The following FMO4 variants were observed in gnomAD, a reference collection of about 807,000 sequenced individuals.
FMO4 encodes dimethylaniline monooxygenase [N-oxide-forming] 4.
In FMO4, 38 loss-of-function variants were observed where a neutral mutation model predicts 43.3. That is an observed-to-expected ratio of 0.88 (90% confidence interval 0.68 to 1.15). The LOEUF (loss-of-function observed/expected upper bound fraction) is 1.15, where lower values mean the gene tolerates loss of function less well. Among genes scored for constraint, FMO4 ranks in the 50% most tolerant of loss-of-function variants. The pLI, the probability that FMO4 is intolerant of heterozygous loss-of-function variation, is 0.00. For missense variants in FMO4, 631 were observed against 663.3 expected (o/e 0.95, Z 0.54); for synonymous variants, 224 against 232.2 (o/e 0.96, Z 0.32).
chr1:171,337,993 T>C (rs1424790423), intron 9 of FMO4, among the ~76,000 whole-genome samples: 1 of 152,060 alleles, frequency 6.6e-6, no homozygotes, highest in Non-Finnish European at 1.5e-5. Context: ...GCGTCTCAAA[T>C]TTAATATGTC....
At chr1:171,322,016 G>A (rs767745026) in intron 3 of FMO4, among the ~76,000 whole-genome samples, 1 of 152,136 alleles carries the variant, frequency 6.6e-6, no homozygotes, top group African/African-American at 2.4e-5. Context: ...CTTTAATATA[G>A]ACCTATTTGT....
rs1363048793 is a variant in FMO4 at position 171,331,816 on chromosome 1, A to G, written c.627+34A>G. On this transcript the variant is annotated intron_variant, in intron 6 of 9. Transcript: ENST00000367749. ...TCTCTGAATTAATGCCCCTAATCCC[A>G]TCATCAGTTATGATGGCTGGAAAGA... 3 of 1,599,656 alleles carry G rather than the reference A, an allele frequency of 1.9e-6. No individual in the cohort carries two copies. In the Admixed American group the frequency reaches 5.0e-5, roughly 27 times the overall value.
intron 5 of FMO4, among the ~76,000 whole-genome samples, chr1:171,325,648 A>T (rs1662624765): frequency 6.6e-6 from 1 of 151,956 alleles, no homozygotes; most frequent in African/African-American, 2.4e-5. Flanking sequence ...CTAAACACAC[A>T]ACTGTACAGT....
rs761110499 is a variant in FMO4 at position 171,314,242 on chromosome 1, C to T, written c.-322C>T. 2.0e-5 allele frequency: 3 copies of T among 151,938 alleles called. No individual in the cohort carries two copies. The highest frequency in any genetic ancestry group is 2.9e-5 in the Non-Finnish European group (2 of 67,992). The allele number at this position is 151,938 out of a possible 1,614,324, so 9.4% of individuals were successfully genotyped here. On this transcript the variant is annotated 5_prime_UTR_variant, in exon 1 of 10. In the 5' UTR this introduces an upstream ATG that the reference lacks. Transcript: ENST00000367749. ...GCTGTCACTAGCATAACAGAAAAGA[C>T]GAATGGCTTTTGTTTTAAACTGAGG...
chr1:171,340,768 T>C (rs539314713), intron 9 of FMO4, among the ~76,000 whole-genome samples: 2 of 152,320 alleles, frequency 1.3e-5, no homozygotes, highest in African/African-American at 4.8e-5. Flanking sequence ...GTTCTGAGCA[T>C]TCGCTGTACA....
chr1:171,320,901 C>T (rs1662396401), intron 3 of FMO4, among the ~76,000 whole-genome samples: 2 of 152,230 alleles, frequency 1.3e-5, no homozygotes, highest in South Asian at 2.1e-4. Context: ...AGAAGAGTGG[C>T]ATTCGTTCAA....
intron 1 of FMO4, among the ~76,000 whole-genome samples, chr1:171,315,972 C>T (rs921347221): frequency 5.3e-5 from 8 of 152,258 alleles, no homozygotes; most frequent in South Asian, 2.1e-4. Flanking sequence ...AGAGCAGTCA[C>T]GGTCTTTTTT....
chr1:171,316,842 GC>G (rs1373796208), intron 2 of FMO4, among the ~76,000 whole-genome samples: 4 of 152,172 alleles, frequency 2.6e-5, no homozygotes, highest in Non-Finnish European at 5.9e-5. Flanking sequence ...TCATGAATCT[GC>G]CTTAGGGTCA....
chr1:171,319,652 A>C (rs1422277217), intron 2 of FMO4, among the ~76,000 whole-genome samples, 166 bp from the exon 3 acceptor site: 1 of 152,190 alleles, frequency 6.6e-6, no homozygotes, highest in East Asian at 1.9e-4. Flanking sequence ...GACTTAAACC[A>C]AAACAATCTG....
At chr1:171,320,403 G>A (rs1662365262) in intron 3 of FMO4, among the ~76,000 whole-genome samples, 1 of 152,212 alleles carries the variant, frequency 6.6e-6, no homozygotes, top group African/African-American at 2.4e-5. Flanking sequence ...GAACTGGCAA[G>A]AGTGAGGCAT....
At chr1:171,315,919 C>T (rs1022223201) in intron 1 of FMO4, among the ~76,000 whole-genome samples, 3 of 152,136 alleles carry the variant, frequency 2.0e-5, no homozygotes, top group Non-Finnish European at 4.4e-5. Context: ...TACCATAGGA[C>T]TTAGCACAAG....
chr1:171,331,874 T>G, intron 6 of FMO4, 92 bp downstream of exon 6: 9 of 1,054,906 alleles, frequency 8.5e-6, no homozygotes, highest in Non-Finnish European at 1.1e-5. Context: ...ATTGGCCAAT[T>G]GCTAAATTAT....
Position 171,314,232 on chromosome 1 carries a change from A to G in FMO4, c.-332A>G, listed in dbSNP as rs1297391662. ...TATACTTTCTGCTGTCACTAGCATA[A>G]CAGAAAAGACGAATGGCTTTTGTTT... On this transcript the variant is annotated 5_prime_UTR_variant, in exon 1 of 10. Coordinates refer to ENST00000367749, the MANE Select transcript of FMO4 (RefSeq NM_002022.3). 1 of 152,194 alleles carries G rather than the reference A, an allele frequency of 6.6e-6. No homozygotes were observed. The highest frequency in any genetic ancestry group is 2.4e-5 in the African/African-American group (1 of 41,448). 9.4% of individuals were successfully genotyped at this position (152,194 alleles called of 1,614,324 possible).
At chr1:171,330,938 C>T (rs948392213) in intron 5 of FMO4, among the ~76,000 whole-genome samples, 2 of 152,098 alleles carry the variant, frequency 1.3e-5, no homozygotes, top group African/African-American at 4.8e-5. Context: ...AAGAATAAAA[C>T]ACAAATAAGC....
chr1:171,322,052 G>A (rs116742951), intron 3 of FMO4, among the ~76,000 whole-genome samples: 449 of 152,286 alleles, frequency 2.9e-3, no homozygotes, highest in African/African-American at 9.9e-3. Context: ...TTGAGTGATG[G>A]AGATTGAATC....
At position 171,332,789 on chromosome 1, in the gene FMO4, A is replaced by G. The variant is rs534437027; in HGVS notation, c.708A>G (p.Thr236=). The G allele has an allele frequency of 6.2e-7, 1 of 1,613,324 alleles. No homozygotes were observed. The highest frequency in any genetic ancestry group is 8.5e-7 in the Non-Finnish European group (1 of 1,179,382). ...GCTATCCTTATAATATGATGGTTAC[A>G]AGAAGATGCTGTAGTTTTATTGCAC... is the stretch of plus-strand genomic sequence containing the variant. ...DWGYPYNMMV[T]RRCCSFIAQV... Residue 236 remains threonine (T), a synonymous_variant, in exon 7 of 10, where the codon ACA becomes ACG. Coordinates refer to ENST00000367749, the MANE Select transcript of FMO4 (RefSeq NM_002022.3).
At chr1:171,314,535 T>C (rs532209505) in intron 1 of FMO4, 122 bp downstream of exon 1, 2 of 152,156 alleles carry the variant, frequency 1.3e-5, no homozygotes, top group Non-Finnish European at 2.9e-5. Context: ...TTTTGGGGTC[T>C]CTTGACTAGG....
At chr1:171,338,171 A>G (rs1279062295) in intron 9 of FMO4, among the ~76,000 whole-genome samples, 2 of 151,988 alleles carry the variant, frequency 1.3e-5, no homozygotes, top group East Asian at 1.9e-4. Flanking sequence ...CACATCCCAT[A>G]TCGGCAAATA....
At position 171,324,110 on chromosome 1, in the gene FMO4, G is replaced by C. The variant is rs752547745; in HGVS notation, c.322-28G>C. ...GCATGAGGTCCAAGGGTGTTAGTGA[G>C]AAGTGAGTGTTTGTCTTTCACTTTT... On this transcript the variant is annotated intron_variant, in intron 4 of 9. Transcript: ENST00000367749. The C allele has an allele frequency of 3.8e-6, 6 of 1,590,444 alleles. No individual in the cohort carries two copies. The Admixed American group carries it at 1.1e-4, about 28-fold the overall frequency.
Sources: gnomAD v4.1 joint callset for allele counts (sites outside exome capture counted in the v4.1 genomes callset) on GRCh38, gnomAD v4.1.1 for gene constraint, MANE v1.5 for transcripts, NCBI Gene and HGNC (gene_info 2026-07-23, HGNC 2026-07-21) for gene names.